Variants in PRELID2 observed in about 807,000 individuals in gnomAD.
PRELID2 encodes the protein PRELI domain-containing protein 2.
A neutral mutation model predicts 28.4 loss-of-function variants in PRELID2; 25 were observed. The observed-to-expected ratio is 0.88, with a 90% CI of 0.64 to 1.23. PRELID2 has a LOEUF of 1.23. PRELID2 is among the 50% of genes most tolerant of loss of function. PRELID2 has a pLI of 0.00. For missense variants in PRELID2, 201 were observed against 214.4 expected, an observed-to-expected ratio of 0.94 and a Z score of 0.39; for synonymous variants, 76 against 71.6, an observed-to-expected ratio of 1.06 and a Z score of -0.31.
intron 4 of PRELID2, 57 bp from the exon 5 acceptor site, chr5:145,796,604 C>T (rs1263830276): frequency 3.8e-6 from 4 of 1,050,694 alleles, no homozygotes; most frequent in South Asian, 1.6e-5. Flanking sequence ...GATATGTAAA[C>T]GACAGACATT....
At chr5:145,645,177 T>G (rs1052958293) in intron 1 of PRELID2, among the ~76,000 whole-genome samples, 1 of 152,124 alleles carries the variant, frequency 6.6e-6, no homozygotes, top group Admixed American at 6.5e-5. Context: ...TCTAAGAACT[T>G]GCTTTATGAA....
chr5:145,292,799 C>G, the PRELID2 span, among the ~76,000 whole-genome samples: 1 of 152,056 alleles, frequency 6.6e-6, no homozygotes, highest in Non-Finnish European at 1.5e-5. Context: ...CCTAAATATT[C>G]TGGGCTCAAG....
the PRELID2 span, among the ~76,000 whole-genome samples, chr5:145,327,267 T>C: frequency 1.8e-4 from 27 of 152,150 alleles, no homozygotes; most frequent in African/African-American, 6.3e-4. Flanking sequence ...TCTTTAATTA[T>C]GTGAATATTT....
the PRELID2 span, among the ~76,000 whole-genome samples, chr5:145,357,096 C>G: frequency 6.6e-6 from 1 of 152,188 alleles, no homozygotes; most frequent in Non-Finnish European, 1.5e-5. Context: ...AGAGTTTCTG[C>G]TGAAAGGCCT....
At chr5:145,674,175 T>A (rs561099550) in intron 1 of PRELID2, among the ~76,000 whole-genome samples, 1 of 152,204 alleles carries the variant, frequency 6.6e-6, no homozygotes, top group African/African-American at 2.4e-5. Context: ...TATTTTTTTA[T>A]TATACTTTAA....
intron 5 of PRELID2, among the ~76,000 whole-genome samples, chr5:145,772,440 CA>C (rs36118441): frequency 3.3e-5 from 5 of 150,888 alleles, no homozygotes; most frequent in Non-Finnish European, 5.9e-5. Context: ...GATTTGTAAA[CA>C]AAAAAAAAGT....
At chr5:145,382,086 T>C in the PRELID2 span, among the ~76,000 whole-genome samples, 3 of 151,814 alleles carry the variant, frequency 2.0e-5, no homozygotes, top group African/African-American at 7.2e-5. Context: ...CCTTAAAATA[T>C]AGAAATTCTA....
At chr5:145,463,046 T>C in the PRELID2 span, among the ~76,000 whole-genome samples, 1 of 152,156 alleles carries the variant, frequency 6.6e-6, no homozygotes, top group Admixed American at 6.6e-5. Context: ...AAAAGTTTGA[T>C]TTGAAATTTT....
chr5:145,648,118 T>C (rs1754228239), intron 1 of PRELID2, among the ~76,000 whole-genome samples: 1 of 152,222 alleles, frequency 6.6e-6, no homozygotes, highest in African/African-American at 2.4e-5. Context: ...TTTAAGAATT[T>C]ATTGTAGTAA....
At position 145,749,861 on chromosome 5, in the gene PRELID2, G is replaced by A. The variant is rs1426101068; in HGVS notation, n.70+15070C>T. 6.6e-5 allele frequency among the ~76,000 whole-genome samples: 10 copies of A among 151,990 alleles called. 1 individual carries two copies. In the South Asian group the frequency reaches 2.1e-3, roughly 31 times the overall value. ...CCAACATTCTCAGCAAACTAACACA[G>A]GAACAGAAAACTAAACACCGTATGT... On this transcript the variant is annotated intron_variant and non_coding_transcript_variant, in intron 1 of 2. Coordinates refer to the PRELID2 transcript ENST00000510259.
the PRELID2 span, among the ~76,000 whole-genome samples, chr5:145,301,915 CAACTTT>C: frequency 9.7e-5 from 14 of 143,760 alleles, no homozygotes; most frequent in Non-Finnish European, 1.8e-4. Context: ...CTAAGTCATC[CAACTTT>C]ATTCATTTCT....
At chr5:145,728,723 T>G in intron 1 of PRELID2, 1 of 1,557,858 alleles carries the variant, frequency 6.4e-7, no homozygotes, top group Admixed American at 1.7e-5. Flanking sequence ...CCCAGAACAG[T>G]GTCTTAAAAC....
At chr5:145,492,947 G>C (rs1394609838) in intron 1 of PRELID2, among the ~76,000 whole-genome samples, 1 of 140,794 alleles carries the variant, frequency 7.1e-6, no homozygotes, top group East Asian at 2.0e-4. Context: ...GGTAAGCCCA[G>C]TGTTGGGGTA....
chr5:145,730,423 A>G (rs1016659393), intron 1 of PRELID2, among the ~76,000 whole-genome samples: 33 of 152,074 alleles, frequency 2.2e-4, no homozygotes, highest in African/African-American at 7.0e-4. Flanking sequence ...CAAAATGCCA[A>G]ACTAAGGTGA....
chr5:145,689,841 A>G (rs1466133135), intron 1 of PRELID2, among the ~76,000 whole-genome samples: 1 of 152,150 alleles, frequency 6.6e-6, no homozygotes, highest in Non-Finnish European at 1.5e-5. Flanking sequence ...AGGACAATTT[A>G]TCCTCAGGGC....
intron 1 of PRELID2, among the ~76,000 whole-genome samples, chr5:145,720,741 A>AC (rs1312915992): frequency 6.6e-6 from 1 of 151,986 alleles, no homozygotes; most frequent in Non-Finnish European, 1.5e-5. Context: ...AAGGTAGAAA[A>AC]ATAACATAAA....
the PRELID2 span, among the ~76,000 whole-genome samples, chr5:145,422,140 G>A: frequency 7.7e-3 from 1,106 of 144,430 alleles, 21 homozygotes; most frequent in African/African-American, 0.026. Flanking sequence ...GCTGAGGAGA[G>A]CTTTACTTCC....
At chr5:145,276,882 A>G in the PRELID2 span, among the ~76,000 whole-genome samples, 6 of 152,196 alleles carry the variant, frequency 3.9e-5, no homozygotes, top group African/African-American at 1.4e-4. Flanking sequence ...CTGCAGGACA[A>G]TGGTTATTTC....
At chr5:145,747,223 A>G (rs1004629776) in intron 1 of PRELID2, among the ~76,000 whole-genome samples, 18 of 146,558 alleles carry the variant, frequency 1.2e-4, no homozygotes, top group Non-Finnish European at 2.0e-4. Context: ...AAAACCCTCT[A>G]AAAAAAAAAA....
Sources: gnomAD v4.1 joint callset for allele counts (sites outside exome capture counted in the v4.1 genomes callset) on GRCh38, gnomAD v4.1.1 for gene constraint, MANE v1.5 for transcripts, NCBI Gene and HGNC (gene_info 2026-07-23, HGNC 2026-07-21) for gene names.